Variants in ADGRE1 observed in about 807,000 individuals in gnomAD.
ADGRE1 encodes the protein adhesion G protein-coupled receptor E1.
A neutral mutation model predicts 102.7 loss-of-function variants in ADGRE1; 82 were observed. The ratio of observed to expected loss-of-function variants is 0.80; its 90% CI spans 0.67 to 0.96. ADGRE1 has a LOEUF of 0.96. ADGRE1 is among the 40% of genes least tolerant of loss of function. ADGRE1 has a pLI of 0.00. For synonymous variants in ADGRE1, 398 were observed against 399.6 expected (o/e 1.00, Z 0.05); for missense variants, 1,032 against 1,085.3 (o/e 0.95, Z 0.69).
chr19:6,931,951 T>G lies in ADGRE1; in HGVS notation c.2290-3036T>G, dbSNP rs1376299323. Among the ~76,000 whole-genome samples, 6 of 37,458 alleles carry G rather than the reference T, an allele frequency of 1.6e-4. No individual in the cohort carries two copies. In the African/African-American group the frequency reaches 2.4e-3, roughly 15 times the overall value. 24.6% of individuals were successfully genotyped at this position (37,458 alleles called of 152,430 possible). A position where few individuals can be genotyped will look rare whatever the true frequency, so the allele number is the denominator to read the frequency against. ...CCCAACAGACAGCCTCTTAAGCTCG[T>G]TAAGAAAATAAAAACAAATCTTCAG... On this transcript the variant is annotated intron_variant, in intron 17 of 20. Coordinates refer to ENST00000312053, the MANE Select transcript of ADGRE1 (RefSeq NM_001974.5).
chr19:6,919,400 G>A lies in ADGRE1; in HGVS notation c.1421-148G>A, dbSNP rs926769552. ...TAATCTCAGAGCAGCACGGTGAGGT[G>A]CATGACTCTCTCTCTCTCTCTCTCT... is the stretch of plus-strand genomic sequence containing the variant. On this transcript the variant is annotated intron_variant, in intron 12 of 20. Transcript: ENST00000312053. 15 of 574,800 alleles carry A rather than the reference G, an allele frequency of 2.6e-5. No individual in the cohort carries two copies. The African/African-American group carries it at 4.3e-4, about 17-fold the overall frequency. 35.6% of individuals were successfully genotyped at this position (574,800 alleles called of 1,614,324 possible). A position where few individuals can be genotyped will look rare whatever the true frequency, so the allele number is the denominator to read the frequency against.
At chr19:6,938,687 T>C (rs1393805773) in intron 20 of ADGRE1, among the ~76,000 whole-genome samples, 2 of 151,958 alleles carry the variant, frequency 1.3e-5, no homozygotes, top group East Asian at 3.8e-4. Context: ...TGCAATGGGG[T>C]TGGAAGAGTG....
At chr19:6,900,514 G>GGAA (rs1973727686) in intron 5 of ADGRE1, among the ~76,000 whole-genome samples, 1 of 152,076 alleles carries the variant, frequency 6.6e-6, no homozygotes, top group African/African-American at 2.4e-5. Context: ...AATATGTGTT[G>GGAA]AATTCCTCCA....
chr19:6,924,303 G>A (rs1418334503), intron 14 of ADGRE1, among the ~76,000 whole-genome samples: 2 of 152,046 alleles, frequency 1.3e-5, no homozygotes, highest in Admixed American at 6.6e-5. Context: ...GTGGAATTAG[G>A]CTCACTCCTG....
At chr19:6,908,119 C>T (rs1409358008) in intron 9 of ADGRE1, among the ~76,000 whole-genome samples, 2 of 152,340 alleles carry the variant, frequency 1.3e-5, no homozygotes, top group Admixed American at 6.5e-5. Context: ...CGCTTAAAGG[C>T]GTTCTTAAAC....
Position 6,919,532 on chromosome 19 carries a change from T to A in ADGRE1, c.1421-16T>A. 1.2e-6 allele frequency: 2 copies of A among 1,604,134 alleles called. No homozygotes were observed. The highest frequency in any genetic ancestry group is 1.7e-6 in the Non-Finnish European group (2 of 1,175,218). On this transcript the variant is annotated splice_polypyrimidine_tract_variant and intron_variant, in intron 12 of 20. Coordinates refer to ENST00000312053, the MANE Select transcript of ADGRE1 (RefSeq NM_001974.5). ...CAAACGATTCCTTCCTTTTTTTCAT[T>A]TGGGGAAACCTGCAGAGACCACTGG...
Position 6,897,246 on chromosome 19 carries a change from C to A in ADGRE1, c.336C>A (p.Phe112Leu), listed in dbSNP as rs767441123. Reference protein sequence around the residue: ...GRYKCSCLDGFSSPTGNDWVP... With the variant: ...GRYKCSCLDGLSSPTGNDWVP... ...ACAAGTGCAGCTGTTTAGATGGTTT[C>A]TCTTCTCCCACTGGAAATGACTGGG... The change falls in exon 4 of 21, where the codon TTC (phenylalanine) becomes TTA (leucine). Residue 112 changes from phenylalanine to leucine, a missense_variant. Transcript: ENST00000312053. 2 of 1,613,818 alleles carry A rather than the reference C, an allele frequency of 1.2e-6. No homozygotes were observed. Among genetic ancestry groups the A allele is most frequent in the South Asian group, 1.1e-5 (1 of 91,062 alleles).
Position 6,924,703 on chromosome 19 carries a change from G to A in ADGRE1, c.1817G>A (p.Ser606Asn), listed in dbSNP as rs1170477962. 6.2e-7 allele frequency: 1 copy of A among 1,614,032 alleles called. No homozygotes were observed. Among genetic ancestry groups the A allele is most frequent in the Admixed American group, 1.7e-5 (1 of 60,006 alleles). The change falls in exon 15 of 21, where the codon AGC (serine) becomes AAC (asparagine). Residue 606 changes from serine to asparagine, a missense_variant. Transcript: ENST00000312053. Reference protein sequence around the residue: ...LTMDFSLYIISHVGIIISLVC... With the variant: ...LTMDFSLYIINHVGIIISLVC... ...ATGGACTTTTCCTTGTACATCATTA[G>A]CCATGTAGGCATTATCATCTCCTTG...
intron 11 of ADGRE1, among the ~76,000 whole-genome samples, chr19:6,915,307 A>G (rs865907241): frequency 1.3e-5 from 2 of 152,170 alleles, no homozygotes; most frequent in Non-Finnish European, 2.9e-5. Context: ...GTACTCAGCC[A>G]AGATTTTATT....
At chr19:6,902,877 C>T (rs190253886) in intron 6 of ADGRE1, among the ~76,000 whole-genome samples, 1 of 152,344 alleles carries the variant, frequency 6.6e-6, no homozygotes, top group East Asian at 1.9e-4. Flanking sequence ...GCTGGGATTA[C>T]AGGTGTGTGC....
Position 6,896,458 on chromosome 19 carries a change from A to G in ADGRE1, c.155A>G (p.Asp52Gly). The change falls in exon 3 of 21, where the codon GAC becomes GGC. Residue 52 changes from aspartate to glycine, a missense_variant. By Grantham distance (94) the Asp-to-Gly change is moderately conservative (BLOSUM62 -1). Transcript: ENST00000312053. ...TATGCCACCTGCACCAATACAGTGGACAGTTACTATTGCGCTTGCAAACAA... is the reference window on the plus strand; with the variant it reads ...TATGCCACCTGCACCAATACAGTGGGCAGTTACTATTGCGCTTGCAAACAA... ...PAYATCTNTV[D>G]SYYCACKQGF... 1 of 1,614,148 alleles carries G rather than the reference A, an allele frequency of 6.2e-7. No homozygotes were observed. The highest frequency in any genetic ancestry group is 8.5e-7 in the Non-Finnish European group (1 of 1,179,992).
At chr19:6,892,776 G>A (rs961776307) in intron 2 of ADGRE1, among the ~76,000 whole-genome samples, 5 of 152,094 alleles carry the variant, frequency 3.3e-5, no homozygotes, top group African/African-American at 1.2e-4. Flanking sequence ...ATTGCTATTC[G>A]GCCATAAAAA....
At chr19:6,909,891 TG>T in intron 10 of ADGRE1, among the ~76,000 whole-genome samples, 1 of 152,194 alleles carries the variant, frequency 6.6e-6, no homozygotes, top group South Asian at 2.1e-4. Flanking sequence ...TGCGCCACCA[TG>T]CCCGGCTAAT....
chr19:6,901,829 T>C, intron 5 of ADGRE1, 46 bp from the exon 6 acceptor site: 1 of 1,606,274 alleles, frequency 6.2e-7, no homozygotes, highest in Non-Finnish European at 8.5e-7. Flanking sequence ...CTCTACTCCT[T>C]GCTTTCTCAT....
intron 2 of ADGRE1, 98 bp downstream of exon 2, chr19:6,890,641 C>G (rs1973334919): frequency 7.6e-7 from 1 of 1,310,308 alleles, no homozygotes; most frequent in Non-Finnish European, 1.1e-6. Context: ...CAGATGCTTG[C>G]TGGGAGCTAG....
rs150184290 is a variant in ADGRE1, at chr19:6,931,535, T to C, written c.2289+3324T>C. 7.6e-3 allele frequency among the ~76,000 whole-genome samples: 1,156 copies of C among 152,322 alleles called. 19 individuals carry two copies. The highest frequency in any genetic ancestry group is 0.026 in the African/African-American group (1,095 of 41,584). On this transcript the variant is annotated intron_variant, in intron 17 of 20. Coordinates refer to ENST00000312053, the MANE Select transcript of ADGRE1 (RefSeq NM_001974.5). ...ATCACCGGCCAGGTGCAGTGGCTCA[T>C]GCCTGTAATCCCAGCATTTTGGGAG...
chr19:6,904,637 C>G (rs1259987265), intron 8 of ADGRE1, among the ~76,000 whole-genome samples: 1 of 151,566 alleles, frequency 6.6e-6, no homozygotes, highest in Non-Finnish European at 1.5e-5. Flanking sequence ...TCCTGAGTAG[C>G]TGGGACTACA....
At position 6,898,476 on chromosome 19, in the gene ADGRE1, G is replaced by A; in HGVS notation, c.514+929G>A. The A allele has an allele frequency of 3.2e-6, 5 of 1,585,600 alleles. No homozygotes were observed. In the South Asian group the frequency reaches 5.5e-5, roughly 18 times the overall value. ...TCTCCTGTACTGGTGATGCCCTCAG[G>A]TTCCCAGGGATGGGTCTTGAGTGGA... On this transcript the variant is annotated intron_variant, in intron 5 of 20. Coordinates refer to ENST00000312053, the MANE Select transcript of ADGRE1 (RefSeq NM_001974.5).
rs149540972 is a variant in ADGRE1 at position 6,919,333 on chromosome 19, G to A, written c.1421-215G>A. Among the ~76,000 whole-genome samples, 1,014 of 150,596 alleles carry A rather than the reference G, an allele frequency of 6.7e-3. 9 individuals are homozygous for A. Among genetic ancestry groups the A allele is most frequent in the African/African-American group, 0.023 (962 of 41,072 alleles). ...GCGTGAGCCACCATGCCCGGCCAGA[G>A]GTTTTTTTTTTTTAATGGTTCTAGA... On this transcript the variant is annotated intron_variant, in intron 12 of 20. Coordinates refer to ENST00000312053, the MANE Select transcript of ADGRE1 (RefSeq NM_001974.5).
Sources: gnomAD v4.1 joint callset for allele counts (sites outside exome capture counted in the v4.1 genomes callset) on GRCh38, gnomAD v4.1.1 for gene constraint, MANE v1.5 for transcripts, NCBI Gene and HGNC (gene_info 2026-07-23, HGNC 2026-07-21) for gene names.